BEND6: variants seen among roughly 807,000 people sequenced by gnomAD.
BEND6 encodes BEN domain-containing protein 6.
Under a neutral mutation model 31.8 loss-of-function variants are expected in BEND6, and 24 were observed. The observed-to-expected ratio is 0.75, with a 90% CI of 0.55 to 1.06. The LOEUF (loss-of-function observed/expected upper bound fraction) is 1.06. Ranked by LOEUF, BEND6 falls within the 50% of genes least tolerant of loss-of-function variation. The pLI, the probability that BEND6 is intolerant of heterozygous loss-of-function variation, is 0.00. For synonymous variants in BEND6, 109 were observed against 114.6 expected (o/e 0.95, Z 0.31); for missense variants, 294 against 327.4 (o/e 0.90, Z 0.79).
intron 3 of BEND6, among the ~76,000 whole-genome samples, chr6:57,007,988 T>C (rs1827220256): frequency 2.0e-5 from 3 of 152,274 alleles, no homozygotes; most frequent in East Asian, 1.9e-4. Context: ...ATTTTCTTAG[T>C]GCTTATATAG....
rs1473417903 is a variant in BEND6 at position 56,955,327 on chromosome 6, C to A, written c.-234C>A. ...TCCCTCGGCCAAATTGCTGCGGAGC[C>A]CGTCGTCAGGGGGCGCCAAGGAGCC... is the stretch of plus-strand genomic sequence containing the variant. On this transcript the variant is annotated 5_prime_UTR_variant, in exon 1 of 7. Coordinates refer to ENST00000370746, the MANE Select transcript of BEND6 (RefSeq NM_152731.3). The A allele has an allele frequency of 5.9e-5, 9 of 152,384 alleles. No homozygotes were observed. The highest frequency in any genetic ancestry group is 2.2e-4 in the African/African-American group (9 of 41,576). The allele number at this position is 152,384 out of a possible 1,614,324, so 9.4% of individuals were successfully genotyped here. A position where few individuals can be genotyped will look rare whatever the true frequency, so the allele number is the denominator to read the frequency against.
chr6:56,963,167 G>C (rs1825346721), intron 1 of BEND6, among the ~76,000 whole-genome samples: 1 of 152,066 alleles, frequency 6.6e-6, no homozygotes, highest in South Asian at 2.1e-4. Context: ...TGCTTCATTT[G>C]CACTGCAGCT....
intron 2 of BEND6, among the ~76,000 whole-genome samples, chr6:56,992,001 C>G (rs1388611630): frequency 6.6e-6 from 1 of 152,136 alleles, no homozygotes; most frequent in African/African-American, 2.4e-5. Flanking sequence ...TATTCACAGG[C>G]GAAAGAAATA....
At chr6:56,998,007 A>G (rs6901944) in intron 3 of BEND6, among the ~76,000 whole-genome samples, 19,503 of 152,144 alleles carry the variant, frequency 0.13, 1,461 homozygotes, top group Middle Eastern at 0.2. Flanking sequence ...GATAGTTAAA[A>G]AACATACAAA....
At chr6:57,020,833 G>T (rs199804231) in intron 6 of BEND6, among the ~76,000 whole-genome samples, 36 of 137,820 alleles carry the variant, frequency 2.6e-4, no homozygotes, top group African/African-American at 5.2e-4. Context: ...CTAAACTCTT[G>T]TTTTTTTTTT....
intron 3 of BEND6, among the ~76,000 whole-genome samples, chr6:57,004,047 T>A (rs186284836): frequency 6.6e-6 from 1 of 152,254 alleles, no homozygotes; most frequent in African/African-American, 2.4e-5. Flanking sequence ...ATGAGCCACC[T>A]ATGACAAACC....
intron 3 of BEND6, among the ~76,000 whole-genome samples, chr6:56,994,150 T>C (rs1288362505): frequency 6.6e-6 from 1 of 152,180 alleles, no homozygotes; most frequent in African/African-American, 2.4e-5. Context: ...AAAATTAGCA[T>C]GAATTGCTAG....
At chr6:56,994,759 C>T (rs554400743) in intron 3 of BEND6, among the ~76,000 whole-genome samples, 33 of 151,998 alleles carry the variant, frequency 2.2e-4, no homozygotes, top group Non-Finnish European at 4.0e-4. Flanking sequence ...AATCCATCCC[C>T]CAAAAAACTG....
intron 2 of BEND6, among the ~76,000 whole-genome samples, chr6:56,990,178 G>C (rs1384842956): frequency 1.3e-5 from 2 of 148,390 alleles, no homozygotes; most frequent in African/African-American, 4.9e-5. Flanking sequence ...CATTTCTGCA[G>C]TAAGCTGCCA....
chr6:57,022,902 G>A (rs991618972), intron 6 of BEND6, among the ~76,000 whole-genome samples: 14 of 152,070 alleles, frequency 9.2e-5, no homozygotes, highest in African/African-American at 3.4e-4. Flanking sequence ...TCACGAGCTT[G>A]TTATTTAATT....
chr6:56,974,047 C>T (rs1470997162), intron 1 of BEND6, among the ~76,000 whole-genome samples: 1 of 152,208 alleles, frequency 6.6e-6, no homozygotes, highest in Non-Finnish European at 1.5e-5. Flanking sequence ...GCCATTGCAC[C>T]CGGCCTAAAC....
chr6:57,019,158 T>C (rs1022349859), intron 6 of BEND6, among the ~76,000 whole-genome samples: 2 of 152,226 alleles, frequency 1.3e-5, no homozygotes, highest in Non-Finnish European at 2.9e-5. Flanking sequence ...TTTACCAAGA[T>C]GCATGTCCTA....
At position 57,017,237 on chromosome 6, in the gene BEND6, T is replaced by C; in HGVS notation, c.550T>C (p.Cys184Arg). 6.4e-7 allele frequency: 1 copy of C among 1,562,948 alleles called. No homozygotes were observed. The highest frequency in any genetic ancestry group is 8.7e-7 in the Non-Finnish European group (1 of 1,155,694). ...FQIEKWQIARCNKSKPQKFIN... is the reference protein window; with the variant it reads ...FQIEKWQIARRNKSKPQKFIN... ...GATTGAAAAATGGCAGATTGCCCGTTGTAACAAGAGCAAGCCTCAGAAGTT... is the reference window on the plus strand; with the variant it reads ...GATTGAAAAATGGCAGATTGCCCGTCGTAACAAGAGCAAGCCTCAGAAGTT... The change falls in exon 5 of 7, where the codon TGT becomes CGT. Residue 184 changes from cysteine (C) to arginine (R), a missense_variant. Physicochemically the swap from Cys to Arg is radical, Grantham distance 180. Transcript: ENST00000370746.
chr6:57,016,809 G>A (rs935029827), intron 4 of BEND6, among the ~76,000 whole-genome samples: 1 of 152,086 alleles, frequency 6.6e-6, no homozygotes, highest in South Asian at 2.1e-4. Context: ...CTACAGAATT[G>A]TTTTTGCCCT....
chr6:56,981,330 A>T (rs1826059612), intron 1 of BEND6, among the ~76,000 whole-genome samples: 1 of 152,166 alleles, frequency 6.6e-6, no homozygotes, highest in South Asian at 2.1e-4. Context: ...TTCTTATGAA[A>T]TCTATTATTA....
At chr6:56,977,954 C>A (rs1825943541) in intron 1 of BEND6, among the ~76,000 whole-genome samples, 1 of 151,862 alleles carries the variant, frequency 6.6e-6, no homozygotes, top group African/African-American at 2.4e-5. Context: ...AAGACCCTAT[C>A]TCAAAAGAAA....
chr6:56,986,707 T>C (rs1362847025), intron 2 of BEND6, among the ~76,000 whole-genome samples: 1 of 152,178 alleles, frequency 6.6e-6, no homozygotes, highest in East Asian at 1.9e-4. Flanking sequence ...CCACCTTCTT[T>C]TCTTGGGAAG....
chr6:56,971,840 G>A (rs1237591899), intron 1 of BEND6, among the ~76,000 whole-genome samples: 1 of 151,958 alleles, frequency 6.6e-6, no homozygotes, highest in South Asian at 2.1e-4. Flanking sequence ...TAAGAATTCT[G>A]TGCGTTCTGG....
intron 2 of BEND6, among the ~76,000 whole-genome samples, chr6:56,983,400 C>T (rs1326641182): frequency 6.6e-6 from 1 of 152,158 alleles, no homozygotes; most frequent in African/African-American, 2.4e-5. Context: ...ATCTCTAAAC[C>T]TCTTTGTTCT....
Sources: allele counts gnomAD v4.1 joint callset (sites outside exome capture counted in the v4.1 genomes callset), GRCh38; gene constraint gnomAD v4.1.1; transcripts MANE v1.5; gene names NCBI Gene and HGNC (gene_info 2026-07-23, HGNC 2026-07-21).